ZBTB20: variants seen among roughly 807,000 people sequenced by gnomAD.
ZBTB20 encodes zinc finger and BTB domain containing 20, also known as zinc finger and BTB domain-containing protein 20.
In ZBTB20, 9 loss-of-function variants were observed where a neutral mutation model predicts 56.9. The ratio of observed to expected loss-of-function variants is 0.16; its 90% CI spans 0.10 to 0.28. The LOEUF is 0.28. Among genes scored for constraint, ZBTB20 ranks in the 10% least tolerant of loss-of-function variants. ZBTB20 has a pLI of 1.00. For missense variants in ZBTB20, 655 were observed against 1,003.0 expected, an observed-to-expected ratio of 0.65 and a Z score of 4.69; for synonymous variants, 417 against 420.7, an observed-to-expected ratio of 0.99 and a Z score of 0.11.
At chr3:114,362,327 T>C (rs779010150) in intron 10 of ZBTB20, among the ~76,000 whole-genome samples, 2 of 152,204 alleles carry the variant, frequency 1.3e-5, no homozygotes, top group Non-Finnish European at 2.9e-5. Context: ...ACAACTACAA[T>C]GACAACTACA....
In ZBTB20 at chr3:114,917,150, G is replaced by A. The variant is rs559455545; in HGVS notation, c.-455-16808C>T. Among the ~76,000 whole-genome samples, 214 of 152,018 alleles carry A rather than the reference G, an allele frequency of 1.4e-3. 1 individual carries two copies. The highest frequency in any genetic ancestry group is 4.3e-3 in the African/African-American group (179 of 41,468). Reference sequence around the variant, plus strand: ...TTTCTTCTGTTTGATCAATTCTCCCGTTAAGAGGCTGCTGCATTCTTCAGG... The same window carrying A: ...TTTCTTCTGTTTGATCAATTCTCCCATTAAGAGGCTGCTGCATTCTTCAGG... On this transcript the variant is annotated intron_variant, in intron 3 of 11. Coordinates refer to ENST00000675478, the MANE Select transcript of ZBTB20 (RefSeq NM_001348800.3).
At chr3:114,588,055 T>G (rs565499892) in intron 6 of ZBTB20, among the ~76,000 whole-genome samples, 2 of 152,284 alleles carry the variant, frequency 1.3e-5, no homozygotes, top group South Asian at 4.2e-4. Context: ...TTCTCTCTCT[T>G]CATGTGTATA....
chr3:114,629,713 A>C (rs1353410742), intron 6 of ZBTB20, among the ~76,000 whole-genome samples: 1 of 152,186 alleles, frequency 6.6e-6, no homozygotes, highest in Non-Finnish European at 1.5e-5. Context: ...AGATTATTTT[A>C]ATATTCTTTG....
At chr3:114,853,832 T>C (rs2075119173) in intron 4 of ZBTB20, among the ~76,000 whole-genome samples, 1 of 152,198 alleles carries the variant, frequency 6.6e-6, no homozygotes, top group Admixed American at 6.5e-5. Context: ...CTCATGTGAG[T>C]AGCAAAGTTA....
intron 3 of ZBTB20, among the ~76,000 whole-genome samples, chr3:114,916,618 G>GA (rs2075756399): frequency 6.6e-6 from 1 of 152,004 alleles, no homozygotes; most frequent in Admixed American, 6.6e-5. Context: ...ATTTGTCTGG[G>GA]AAAGTCTTTA....
At chr3:114,669,751 GCAC>G (rs2061261160) in intron 6 of ZBTB20, among the ~76,000 whole-genome samples, 1 of 151,814 alleles carries the variant, frequency 6.6e-6, no homozygotes, top group South Asian at 2.1e-4. Flanking sequence ...GCAGAACATA[GCAC>G]CACATTTCTA....
chr3:114,726,280 C>T (rs551567525), intron 5 of ZBTB20, among the ~76,000 whole-genome samples: 9 of 151,836 alleles, frequency 5.9e-5, no homozygotes, highest in East Asian at 1.9e-4. Flanking sequence ...AAGTGTTTAA[C>T]GACTGTTAAA....
intron 10 of ZBTB20, among the ~76,000 whole-genome samples, chr3:114,377,741 G>A (rs566572184): frequency 6.6e-6 from 1 of 152,190 alleles, no homozygotes; most frequent in South Asian, 2.1e-4. Flanking sequence ...ACACCCCTCG[G>A]TACCCAAATG....
chr3:114,930,614 A>C (rs1233245522), intron 3 of ZBTB20: 1 of 162,670 alleles, frequency 6.1e-6, no homozygotes, highest in Non-Finnish European at 1.4e-5. Flanking sequence ...CGGCGCAGGG[A>C]GCAGTGGCAA....
At chr3:114,573,182 A>G (rs2053618338) in intron 6 of ZBTB20, among the ~76,000 whole-genome samples, 2 of 152,154 alleles carry the variant, frequency 1.3e-5, no homozygotes, top group African/African-American at 4.8e-5. Context: ...AATGAGGGCC[A>G]GGCATAGTGG....
chr3:114,690,876 TAAG>T (rs2062658067), intron 6 of ZBTB20, among the ~76,000 whole-genome samples: 1 of 152,172 alleles, frequency 6.6e-6, no homozygotes, highest in Admixed American at 6.6e-5. Context: ...ACTGGAGTTC[TAAG>T]TAATAAGGGG....
intron 1 of ZBTB20, among the ~76,000 whole-genome samples, chr3:115,132,958 ACT>A (rs2084550008): frequency 6.6e-6 from 1 of 152,114 alleles, no homozygotes; most frequent in African/African-American, 2.4e-5. Flanking sequence ...ATTTTGATTC[ACT>A]GTTAATATTT....
At chr3:114,437,625 G>C (rs1461263009) in intron 7 of ZBTB20, among the ~76,000 whole-genome samples, 2 of 152,090 alleles carry the variant, frequency 1.3e-5, no homozygotes, top group Admixed American at 6.6e-5. Flanking sequence ...ATTTTATAGG[G>C]TTGAAGCAGC....
At chr3:114,735,193 A>G (rs1404846033) in intron 5 of ZBTB20, among the ~76,000 whole-genome samples, 2 of 152,166 alleles carry the variant, frequency 1.3e-5, no homozygotes, top group South Asian at 4.1e-4. Context: ...ATAATATTCA[A>G]TATGATAAAT....
At chr3:114,915,321 C>T (rs148976760) in intron 3 of ZBTB20, among the ~76,000 whole-genome samples, 47 of 151,910 alleles carry the variant, frequency 3.1e-4, no homozygotes, top group African/African-American at 1.1e-3. Flanking sequence ...TAGGAATTTA[C>T]TCATTTCTTC....
At chr3:114,361,951 G>A (rs555248366) in intron 10 of ZBTB20, among the ~76,000 whole-genome samples, 6 of 152,156 alleles carry the variant, frequency 3.9e-5, no homozygotes, top group Non-Finnish European at 8.8e-5. Context: ...TCAGAAGGAC[G>A]AGGCTCAATG....
intron 4 of ZBTB20, among the ~76,000 whole-genome samples, chr3:114,875,007 G>A (rs2076140839): frequency 6.6e-6 from 1 of 152,072 alleles, no homozygotes; most frequent in African/African-American, 2.4e-5. Context: ...TGTGCTCATA[G>A]TCCTCTTTCT....
chr3:114,848,325 A>G (rs570541267), intron 4 of ZBTB20, among the ~76,000 whole-genome samples: 30 of 152,276 alleles, frequency 2.0e-4, no homozygotes, highest in Non-Finnish European at 4.0e-4. Context: ...GCTGCCAACA[A>G]ACAGGGCCTG....
chr3:114,441,450 GA>G (rs1293052288), intron 7 of ZBTB20, among the ~76,000 whole-genome samples: 1 of 152,108 alleles, frequency 6.6e-6, no homozygotes, highest in Non-Finnish European at 1.5e-5. Flanking sequence ...GATTTCTCCT[GA>G]AGGAAACTGC....
Sources: gnomAD v4.1 joint callset for allele counts (sites outside exome capture counted in the v4.1 genomes callset) on GRCh38, gnomAD v4.1.1 for gene constraint, MANE v1.5 for transcripts, NCBI Gene and HGNC (gene_info 2026-07-23, HGNC 2026-07-21) for gene names.